Variants in ILDR1 observed in about 807,000 individuals in gnomAD.
ILDR1 encodes immunoglobulin like domain containing receptor 1.
Under a neutral mutation model 62.4 loss-of-function variants are expected in ILDR1, and 56 were observed. The observed-to-expected ratio is 0.90, with a 90% CI of 0.72 to 1.12. The LOEUF is 1.12. ILDR1 is among the 50% of genes most tolerant of loss of function. The pLI is 0.00. For missense variants in ILDR1, 736 were observed against 710.6 expected, an observed-to-expected ratio of 1.04 and a Z score of -0.41; for synonymous variants, 284 against 277.8, an observed-to-expected ratio of 1.02 and a Z score of -0.22.
At chr3:122,031,671 A>T in the ILDR1 span, among the ~76,000 whole-genome samples, 2 of 152,152 alleles carry the variant, frequency 1.3e-5, no homozygotes, top group Non-Finnish European at 2.9e-5. Flanking sequence ...CCATGTAAGA[A>T]CTCAGAGAGA....
the ILDR1 span, among the ~76,000 whole-genome samples, chr3:122,029,732 T>G: frequency 2.0e-5 from 3 of 152,212 alleles, no homozygotes; most frequent in Middle Eastern, 0.01. Flanking sequence ...TGTAGTTTTA[T>G]GTATCTTTGG....
At chr3:122,006,224 C>G (rs2071608171) in intron 2 of ILDR1, among the ~76,000 whole-genome samples, 2 of 152,184 alleles carry the variant, frequency 1.3e-5, no homozygotes, top group African/African-American at 4.8e-5. Flanking sequence ...TGCTTCTTCT[C>G]AGGAGGCTCA....
the ILDR1 span, among the ~76,000 whole-genome samples, chr3:122,040,737 G>A: frequency 4.0e-3 from 498 of 124,114 alleles, no homozygotes; most frequent in East Asian, 9.7e-3. Flanking sequence ...AAAAAAAAAA[G>A]AAAAAAAAAA....
the ILDR1 span, among the ~76,000 whole-genome samples, chr3:122,040,736 AG>A: frequency 3.1e-4 from 38 of 123,022 alleles, no homozygotes; most frequent in African/African-American, 6.8e-4. Flanking sequence ...AAAAAAAAAA[AG>A]AAAAAAAAAA....
chr3:122,056,324 G>A, the ILDR1 span, among the ~76,000 whole-genome samples: 1 of 152,048 alleles, frequency 6.6e-6, no homozygotes, highest in African/African-American at 2.4e-5. Context: ...CAGTCACTAT[G>A]TATTTATTTA....
rs1191965466 is a variant in ILDR1 at position 121,987,330 on chromosome 3, G to A, written c.*1037C>T. ...CAATCAAATGCACCAAAGTAGGAAA[G>A]CAGATATTTATTTGGAGCAGCATGC... On this transcript the variant is annotated 3_prime_UTR_variant, in exon 8 of 8. Coordinates refer to ENST00000344209, the MANE Select transcript of ILDR1 (RefSeq NM_001199799.2). The A allele has an allele frequency of 6.6e-6, 1 of 152,028 alleles. No individual in the cohort carries two copies. Among genetic ancestry groups the A allele is most frequent in the East Asian group, 1.9e-4 (1 of 5,182 alleles). 9.4% of individuals were successfully genotyped at this position (152,028 alleles called of 1,614,324 possible). A position where few individuals can be genotyped will look rare whatever the true frequency, so the allele number is the denominator to read the frequency against.
At chr3:122,000,905 G>C (rs1301833243) in intron 5 of ILDR1, among the ~76,000 whole-genome samples, 1 of 152,134 alleles carries the variant, frequency 6.6e-6, no homozygotes, top group Non-Finnish European at 1.5e-5. Context: ...TGTGAGAATA[G>C]GAAAAAACAG....
intron 7 of ILDR1, among the ~76,000 whole-genome samples, chr3:121,991,398 T>G (rs1174828919): frequency 6.6e-6 from 1 of 152,092 alleles, no homozygotes; most frequent in Non-Finnish European, 1.5e-5. Context: ...ACTTTTTTTG[T>G]TGTTGTTGTT....
rs1337075019 is a variant in ILDR1 at position 121,993,713 on chromosome 3, T to C, written c.1036A>G (p.Ser346Gly). ...IRDLSSSRRT[S>G]DSLHQQWLTP... ...AGCCACTGCTGGTGCAGGGAGTCAC[T>C]GGTCCTCCTTGAGGATGACAGGTCT... Residue 346 changes from serine (S) to glycine (G), a missense_variant, in exon 7 of 8, where the codon AGT becomes GGT. By Grantham distance (56) the Ser-to-Gly change is moderately conservative. Transcript: ENST00000344209. 6.2e-7 allele frequency: 1 copy of C among 1,614,130 alleles called. No individual in the cohort carries two copies. The highest frequency in any genetic ancestry group is 1.7e-5 in the Admixed American group (1 of 60,020).
upstream of ILDR1, among the ~76,000 whole-genome samples, chr3:122,023,791 G>A (rs1205186540): frequency 7.1e-6 from 1 of 141,292 alleles, no homozygotes; most frequent in Non-Finnish European, 1.5e-5. Flanking sequence ...TCCTAGCACA[G>A]CAGCAGCAGC....
chr3:122,029,533 T>TATATATA, the ILDR1 span, among the ~76,000 whole-genome samples: 2 of 148,718 alleles, frequency 1.3e-5, no homozygotes, highest in Non-Finnish European at 3.0e-5. Context: ...TATATATATA[T>TATATATA]TTAGGGGAAT....
At chr3:122,052,529 C>T in the ILDR1 span, among the ~76,000 whole-genome samples, 2 of 152,122 alleles carry the variant, frequency 1.3e-5, no homozygotes, top group African/African-American at 2.4e-5. Context: ...AAGACAGAGG[C>T]TAGTCCCTCA....
At position 122,001,728 on chromosome 3, in the gene ILDR1, G is replaced by A; in HGVS notation, c.499+17C>T. ...GGCAGTGAGGGTGACTGAATAGAAAGCTCCAGTAGCACTTACGTAGGACGA... is the reference window on the plus strand; with the variant it reads ...GGCAGTGAGGGTGACTGAATAGAAAACTCCAGTAGCACTTACGTAGGACGA... On this transcript the variant is annotated intron_variant, in intron 4 of 7. Transcript: ENST00000344209. 3 of 1,611,710 alleles carry A rather than the reference G, an allele frequency of 1.9e-6. No homozygotes were observed. Among genetic ancestry groups the A allele is most frequent in the Non-Finnish European group, 2.5e-6 (3 of 1,179,558 alleles).
At position 121,992,947 on chromosome 3, in the gene ILDR1, C is replaced by T. The variant is rs145078298; in HGVS notation, c.1599+203G>A. 2.4e-3 allele frequency among the ~76,000 whole-genome samples: 359 copies of T among 152,358 alleles called. 1 individual carries two copies. Among genetic ancestry groups the T allele is most frequent in the African/African-American group, 8.3e-3 (344 of 41,578 alleles). On this transcript the variant is annotated intron_variant, in intron 7 of 7. Coordinates refer to ENST00000344209, the MANE Select transcript of ILDR1 (RefSeq NM_001199799.2). ...GAGAAGGCCCTTCACAGGCAGCGAACTCTCCCCTGCCCTCTGCACTCGCTT... is the reference window on the plus strand; with the variant it reads ...GAGAAGGCCCTTCACAGGCAGCGAATTCTCCCCTGCCCTCTGCACTCGCTT...
chr3:121,996,650 C>T (rs148972916), intron 5 of ILDR1, among the ~76,000 whole-genome samples: 124 of 152,296 alleles, frequency 8.1e-4, no homozygotes, highest in Middle Eastern at 3.4e-3. Context: ...GTAAAATCTG[C>T]CTTAGTCACC....
At chr3:122,041,427 GC>G in the ILDR1 span, among the ~76,000 whole-genome samples, 1 of 152,186 alleles carries the variant, frequency 6.6e-6, no homozygotes, top group Admixed American at 6.5e-5. Flanking sequence ...CTTGAAAGAT[GC>G]TGACAACTTG....
the ILDR1 span, among the ~76,000 whole-genome samples, chr3:122,035,172 T>A: frequency 6.6e-6 from 1 of 152,166 alleles, no homozygotes. Flanking sequence ...GAACGCTTAC[T>A]CTGTAGGCAT....
At chr3:122,059,057 C>CA in the ILDR1 span, among the ~76,000 whole-genome samples, 2 of 152,054 alleles carry the variant, frequency 1.3e-5, no homozygotes, top group Non-Finnish European at 2.9e-5. Context: ...AGAGAAAAGA[C>CA]AGATGGTGAA....
rs757275715 is a variant in ILDR1, at chr3:122,022,034, G to A, written c.44C>T (p.Thr15Ile). Residue 15 changes from threonine (T) to isoleucine (I), a missense_variant, in exon 1 of 8, where the codon ACC (threonine) becomes ATC (isoleucine). Coordinates refer to ENST00000344209, the MANE Select transcript of ILDR1 (RefSeq NM_001199799.2). ...KLPAPWLLLCTWLPAGCLSLL... is the reference protein window; with the variant it reads ...KLPAPWLLLCIWLPAGCLSLL... ...CCAAGGCTCACCTGCTGGGAGCCAG[G>A]TGCAGAGCAGCAGCCAAGGTGCGGG... 11 of 1,611,506 alleles carry A rather than the reference G, an allele frequency of 6.8e-6. No homozygotes were observed. The highest frequency in any genetic ancestry group is 8.5e-6 in the Non-Finnish European group (10 of 1,179,022).
Sources: gnomAD v4.1 joint callset for allele counts (sites outside exome capture counted in the v4.1 genomes callset) on GRCh38, gnomAD v4.1.1 for gene constraint, MANE v1.5 for transcripts, NCBI Gene and HGNC (gene_info 2026-07-23, HGNC 2026-07-21) for gene names.